Variants in C12orf42 observed in about 807,000 individuals in gnomAD.
C12orf42 encodes chromosome 12 open reading frame 42.
In C12orf42, 25 loss-of-function variants were observed where a neutral mutation model predicts 21.6. The ratio of observed to expected loss-of-function variants is 1.16; its 90% CI spans 0.84 to 1.62. The LOEUF (loss-of-function observed/expected upper bound fraction) is 1.62, where lower values mean the gene tolerates loss of function less well. C12orf42 is among the 40% of genes most tolerant of loss of function. The probability of loss-of-function intolerance (pLI) is 0.00; values close to 1 mark genes in which losing one functional copy is unlikely to be tolerated. For missense variants in C12orf42, 483 were observed against 459.3 expected (o/e 1.05, Z -0.47); for synonymous variants, 174 against 175.0 (o/e 0.99, Z 0.05).
At chr12:103,223,416 A>G in the C12orf42 span, among the ~76,000 whole-genome samples, 28 of 152,324 alleles carry the variant, frequency 1.8e-4, no homozygotes, top group Non-Finnish European at 3.1e-4. Flanking sequence ...ATGGAATAAC[A>G]GAAGGAGAAA....
At chr12:103,446,728 A>G (rs1490261674) in intron 2 of C12orf42, among the ~76,000 whole-genome samples, 1 of 152,028 alleles carries the variant, frequency 6.6e-6, no homozygotes, top group Non-Finnish European at 1.5e-5. Context: ...TCAGAAAAAA[A>G]CAGACTTTAA....
chr12:103,250,910 C>T (rs936592593), intron 10 of C12orf42, among the ~76,000 whole-genome samples: 2 of 151,392 alleles, frequency 1.3e-5, no homozygotes, highest in African/African-American at 2.4e-5. Context: ...GTGTGTGTGT[C>T]TGTCTGAATG....
At chr12:103,512,116 C>T in the C12orf42 span, among the ~76,000 whole-genome samples, 1 of 152,154 alleles carries the variant, frequency 6.6e-6, no homozygotes, top group Non-Finnish European at 1.5e-5. Flanking sequence ...TGAGAAGTCC[C>T]GGTAAATTAA....
At chr12:103,090,095 A>C in the C12orf42 span, among the ~76,000 whole-genome samples, 1 of 152,220 alleles carries the variant, frequency 6.6e-6, no homozygotes, top group Non-Finnish European at 1.5e-5. Context: ...AAGATTAGCT[A>C]TCAACAATTA....
intron 4 of C12orf42, among the ~76,000 whole-genome samples, chr12:103,351,827 G>T (rs143984788): frequency 9.8e-4 from 149 of 152,196 alleles, no homozygotes; most frequent in African/African-American, 3.4e-3. Context: ...CTTAATTTCA[G>T]TCTATTGAGG....
rs1288951796 is a variant in C12orf42, at chr12:103,253,759, C to T, written c.*1366+9567G>A. On this transcript the variant is annotated intron_variant and NMD_transcript_variant, in intron 10 of 10. Coordinates refer to the C12orf42 transcript ENST00000547347. ...CTACCTTATGCCCCTCAGTCAAATT[C>T]TTGCCCCATGATCTCAGCCCAAAAA... 5.3e-5 allele frequency among the ~76,000 whole-genome samples: 8 copies of T among 152,156 alleles called. 1 individual carries two copies. The East Asian group carries it at 1.4e-3, about 26-fold the overall frequency.
At chr12:103,387,266 C>T (rs982750340) in intron 3 of C12orf42, among the ~76,000 whole-genome samples, 5 of 152,104 alleles carry the variant, frequency 3.3e-5, no homozygotes, top group African/African-American at 1.2e-4. Flanking sequence ...TCTCCCTGGA[C>T]ACACTTCCTC....
rs56025837 is a variant in C12orf42, at chr12:103,484,863, G to GTTTT, written c.-21-6420_-21-6417dup. Among the ~76,000 whole-genome samples the GTTTT allele has an allele frequency of 2.2e-3, 161 of 71,682 alleles. 8 individuals carry two copies. The East Asian group carries it at 0.024, about 11-fold the overall frequency. The allele number at this position is 71,682 out of a possible 152,430, so 47.0% of individuals were successfully genotyped here. A position where few individuals can be genotyped will look rare whatever the true frequency, so the allele number is the denominator to read the frequency against. Reference sequence around the variant, plus strand: ...GGTGTAAGGAAGGGATCTGGTTTCAGTTTTTTTTTTTTTTTTTTTTTTTTG... The same window carrying GTTTT: ...GGTGTAAGGAAGGGATCTGGTTTCAGTTTTTTTTTTTTTTTTTTTTTTTTTTTTG... On this transcript the variant is annotated intron_variant, in intron 1 of 5. Transcript: ENST00000548883.
At chr12:103,418,966 G>A (rs1394492795) in intron 2 of C12orf42, among the ~76,000 whole-genome samples, 1 of 151,968 alleles carries the variant, frequency 6.6e-6, no homozygotes, top group African/African-American at 2.4e-5. Context: ...AAACAGATGA[G>A]TCCTGAACAG....
chr12:103,151,342 G>GTA, the C12orf42 span, among the ~76,000 whole-genome samples: 55 of 135,800 alleles, frequency 4.1e-4, no homozygotes, highest in East Asian at 1.5e-3. Flanking sequence ...CTCTTTCAGA[G>GTA]TATATATATA....
intron 1 of C12orf42, among the ~76,000 whole-genome samples, chr12:103,481,982 A>C (rs1954505007): frequency 6.6e-6 from 1 of 152,058 alleles, no homozygotes; most frequent in African/African-American, 2.4e-5. Flanking sequence ...AAATAAAACA[A>C]GGTTCTTTAA....
At chr12:103,156,522 A>G in the C12orf42 span, among the ~76,000 whole-genome samples, 1 of 152,150 alleles carries the variant, frequency 6.6e-6, no homozygotes. Flanking sequence ...TTTCTTCTAA[A>G]AAAAATGGGA....
At chr12:103,335,876 C>T (rs1318133412) in intron 4 of C12orf42, among the ~76,000 whole-genome samples, 1 of 152,202 alleles carries the variant, frequency 6.6e-6, no homozygotes, top group Non-Finnish European at 1.5e-5. Context: ...TAGCTCCAGA[C>T]ACAATGACAA....
intron 10 of C12orf42, chr12:103,262,574 T>C (rs1036412191): frequency 2.0e-5 from 3 of 152,160 alleles, no homozygotes; most frequent in African/African-American, 7.2e-5. Context: ...CCCAACTTTA[T>C]AAAATAAACA....
chr12:103,242,782 C>A (rs904977266), intron 10 of C12orf42, among the ~76,000 whole-genome samples: 1 of 152,006 alleles, frequency 6.6e-6, no homozygotes, highest in African/African-American at 2.4e-5. Context: ...TATGGAAATT[C>A]AAATCAATGC....
the C12orf42 span, among the ~76,000 whole-genome samples, chr12:103,158,550 G>A: frequency 6.6e-6 from 1 of 152,134 alleles, no homozygotes; most frequent in South Asian, 2.1e-4. Context: ...AAATGTATTG[G>A]AGATTCAATT....
chr12:103,080,337 A>G, the C12orf42 span, among the ~76,000 whole-genome samples: 1 of 152,268 alleles, frequency 6.6e-6, no homozygotes, highest in East Asian at 1.9e-4. Flanking sequence ...TGTTTTCATA[A>G]CTGGTTCTCC....
chr12:103,534,826 C>T, the C12orf42 span, among the ~76,000 whole-genome samples: 1 of 152,250 alleles, frequency 6.6e-6, no homozygotes, highest in Admixed American at 6.5e-5. Flanking sequence ...GGATTTCCCT[C>T]TAGAAGAAAA....
chr12:103,446,800 C>T (rs1383269363), intron 2 of C12orf42, among the ~76,000 whole-genome samples: 2 of 151,950 alleles, frequency 1.3e-5, no homozygotes, highest in African/African-American at 2.4e-5. Context: ...ACTAGTCCAA[C>T]AGGAAAATAT....
Sources: allele counts gnomAD v4.1 joint callset (sites outside exome capture counted in the v4.1 genomes callset), GRCh38; gene constraint gnomAD v4.1.1; transcripts MANE v1.5; gene names NCBI Gene and HGNC (gene_info 2026-07-23, HGNC 2026-07-21).